CCDC7: variants seen among roughly 807,000 people sequenced by gnomAD.
CCDC7 encodes the protein coiled-coil domain-containing protein 7.
CCDC7 carries 183 observed loss-of-function variants against 196.9 expected under a neutral mutation model. The observed-to-expected ratio is 0.93, with a 90% confidence interval of 0.82 to 1.05. CCDC7 has a LOEUF of 1.05. Ranked by LOEUF, CCDC7 falls within the 50% of genes least tolerant of loss-of-function variation. The pLI is 0.00. For synonymous variants in CCDC7, 525 were observed against 484.6 expected, an observed-to-expected ratio of 1.08 and a Z score of -1.10; for missense variants, 1,540 against 1,482.2, an observed-to-expected ratio of 1.04 and a Z score of -0.64.
intron 8 of CCDC7, among the ~76,000 whole-genome samples, chr10:32,490,806 A>G (rs1450670817): frequency 2.0e-5 from 3 of 152,172 alleles, no homozygotes; most frequent in East Asian, 1.9e-4. Context: ...TCAAAAAAAA[A>G]AAAGTTGGTG....
intron 24 of CCDC7, among the ~76,000 whole-genome samples, chr10:32,704,741 T>C (rs2079396150): frequency 6.6e-6 from 1 of 152,184 alleles, no homozygotes; most frequent in Non-Finnish European, 1.5e-5. Flanking sequence ...ACTGCTGCCT[T>C]GCAGTTTGAT....
intron 25 of CCDC7, among the ~76,000 whole-genome samples, chr10:32,718,572 G>A (rs2081960798): frequency 6.6e-6 from 1 of 152,160 alleles, no homozygotes; most frequent in African/African-American, 2.4e-5. Context: ...AGGATGAGAG[G>A]AAGTCAAATT....
intron 28 of CCDC7, among the ~76,000 whole-genome samples, chr10:32,777,351 T>C (rs1350124756): frequency 2.0e-5 from 3 of 152,198 alleles, no homozygotes; most frequent in African/African-American, 4.8e-5. Flanking sequence ...TATGGATGCA[T>C]GTGTCCATTT....
At chr10:32,600,073 T>C (rs2138275715) in intron 18 of CCDC7, among the ~76,000 whole-genome samples, 1 of 152,238 alleles carries the variant, frequency 6.6e-6, no homozygotes, top group Middle Eastern at 3.4e-3. Context: ...TTTGGTTCCA[T>C]ATTAATTTTA....
intron 30 of CCDC7, among the ~76,000 whole-genome samples, chr10:32,810,134 C>G (rs2086769156): frequency 6.6e-6 from 1 of 151,948 alleles, no homozygotes; most frequent in Non-Finnish European, 1.5e-5. Flanking sequence ...AAGAAAGAAA[C>G]AAAGGATAAA....
intron 5 of CCDC7, among the ~76,000 whole-genome samples, chr10:32,464,200 C>A (rs1271669260): frequency 6.6e-6 from 1 of 152,150 alleles, no homozygotes; most frequent in East Asian, 1.9e-4. Context: ...TTGTCATTAA[C>A]TAAATTACTT....
Position 32,854,469 on chromosome 10 carries a change from T to C in CCDC7, c.4091T>C (p.Val1364Ala), listed in dbSNP as rs752863468. 7.0e-5 allele frequency: 110 copies of C among 1,581,546 alleles called. 3 individuals are homozygous for C. In the Admixed American group the frequency reaches 1.7e-3, roughly 25 times the overall value. Reference sequence around the variant, plus strand: ...ACTCTGCCTACTGTGACCAATACAGTTGGAAAACCTACCTATAAAGGTAAA... The same window carrying C: ...ACTCTGCCTACTGTGACCAATACAGCTGGAAAACCTACCTATAAAGGTAAA... The change falls in exon 41 of 42, where the codon GTT becomes GCT. Residue 1364 changes from valine (V) to alanine (A), a missense_variant. Coordinates refer to ENST00000639629, the Ensembl canonical transcript of CCDC7.
intron 25 of CCDC7, among the ~76,000 whole-genome samples, chr10:32,721,471 G>T (rs1025367356): frequency 2.0e-5 from 3 of 152,124 alleles, no homozygotes; most frequent in Non-Finnish European, 2.9e-5. Flanking sequence ...AAAGCCTCCA[G>T]GCAATCCTGT....
chr10:32,546,284 A>C (rs1011193889), intron 13 of CCDC7, among the ~76,000 whole-genome samples: 7 of 152,196 alleles, frequency 4.6e-5, no homozygotes, highest in African/African-American at 1.7e-4. Flanking sequence ...CAACTTATCA[A>C]GTCACTTAAA....
chr10:32,851,042 G>A (rs1331155603), intron 39 of CCDC7, among the ~76,000 whole-genome samples: 2 of 152,006 alleles, frequency 1.3e-5, no homozygotes, highest in Non-Finnish European at 2.9e-5. Flanking sequence ...TGCAGGCTGG[G>A]GCAAATGGAA....
At chr10:32,730,774 G>C (rs2083832747) in intron 28 of CCDC7, among the ~76,000 whole-genome samples, 1 of 151,870 alleles carries the variant, frequency 6.6e-6, no homozygotes, top group Non-Finnish European at 1.5e-5. Context: ...CCTTCTTGTA[G>C]TCCAGAAAAA....
At chr10:32,687,599 T>C (rs2076605115) in intron 22 of CCDC7, among the ~76,000 whole-genome samples, 1 of 152,122 alleles carries the variant, frequency 6.6e-6, no homozygotes, top group Non-Finnish European at 1.5e-5. Context: ...GTGTCAGAGA[T>C]TGTGGAGATA....
At chr10:32,598,307 G>A (rs985830739) in intron 18 of CCDC7, among the ~76,000 whole-genome samples, 2 of 152,202 alleles carry the variant, frequency 1.3e-5, no homozygotes, top group African/African-American at 4.8e-5. Context: ...TCCGAGTCAG[G>A]CACGGGATAT....
At chr10:32,502,024 A>T (rs572215410) in intron 9 of CCDC7, among the ~76,000 whole-genome samples, 2 of 152,250 alleles carry the variant, frequency 1.3e-5, no homozygotes, top group African/African-American at 4.8e-5. Context: ...CTTTGTTTAC[A>T]CTGTAAGGTA....
chr10:32,666,029 G>A (rs921766969), intron 21 of CCDC7, among the ~76,000 whole-genome samples: 1 of 150,702 alleles, frequency 6.6e-6, no homozygotes, highest in Non-Finnish European at 1.5e-5. Flanking sequence ...CACTACTAAT[G>A]TTTGTGTGTT....
chr10:32,719,731 A>C (rs2082126177), intron 25 of CCDC7, among the ~76,000 whole-genome samples: 1 of 152,246 alleles, frequency 6.6e-6, no homozygotes, highest in Admixed American at 6.5e-5. Context: ...GGCACTTTTC[A>C]AAAGAAGACA....
intron 32 of CCDC7, among the ~76,000 whole-genome samples, chr10:32,828,339 G>A (rs1171917070): frequency 6.6e-6 from 1 of 151,174 alleles, no homozygotes; most frequent in Non-Finnish European, 1.5e-5. Flanking sequence ...ACTGTTCCCT[G>A]GGCCATGGTC....
intron 28 of CCDC7, among the ~76,000 whole-genome samples, chr10:32,730,667 C>T (rs1228200158): frequency 1.3e-5 from 2 of 151,898 alleles, no homozygotes; most frequent in Non-Finnish European, 2.9e-5. Context: ...TAACTAGACA[C>T]TGATTTGCTT....
intron 13 of CCDC7, among the ~76,000 whole-genome samples, chr10:32,562,264 C>T (rs1020438217): frequency 3.9e-5 from 6 of 152,080 alleles, no homozygotes; most frequent in Non-Finnish European, 5.9e-5. Context: ...CTATTCCAAT[C>T]AATAGAAAAA....
Sources: gnomAD v4.1 joint callset for allele counts (sites outside exome capture counted in the v4.1 genomes callset) on GRCh38, gnomAD v4.1.1 for gene constraint, MANE v1.5 for transcripts, NCBI Gene and HGNC (gene_info 2026-07-23, HGNC 2026-07-21) for gene names.